The following ANGPTL1 variants were observed in gnomAD, a reference collection of about 807,000 sequenced individuals.
The protein encoded by ANGPTL1 is angiopoietin-related protein 1.
In ANGPTL1, 36 loss-of-function variants were observed where a neutral mutation model predicts 46.7. The ratio of observed to expected loss-of-function variants is 0.77; its 90% confidence interval spans 0.59 to 1.02. ANGPTL1 has a LOEUF of 1.02. Among genes scored for constraint, ANGPTL1 ranks in the 50% least tolerant of loss-of-function variants. ANGPTL1 has a pLI of 0.00. For synonymous variants in ANGPTL1, 221 were observed against 204.3 expected, an observed-to-expected ratio of 1.08 and a Z score of -0.69; for missense variants, 571 against 594.7, an observed-to-expected ratio of 0.96 and a Z score of 0.41.
rs144409889 is a variant in ANGPTL1, at chr1:178,853,924, A to G, written c.824-137T>C. 145 of 525,018 alleles carry G rather than the reference A, an allele frequency of 2.8e-4. 1 individual carries two copies. Among genetic ancestry groups the G allele is most frequent in the African/African-American group, 2.5e-3 (125 of 50,512 alleles). 32.5% of individuals were successfully genotyped at this position (525,018 alleles called of 1,614,324 possible). The stretch of plus-strand genomic sequence containing the variant: ...TATCATATATACAATATTATAAAAT[A>G]TAACTAAATAAAAGGGTGACTCCAG... On this transcript the variant is annotated intron_variant, in intron 3 of 5. Coordinates refer to ENST00000234816, the MANE Select transcript of ANGPTL1 (RefSeq NM_004673.4).
Position 178,865,719 on chromosome 1 carries a change from G to T in ANGPTL1, c.58C>A (p.His20Asn), listed in dbSNP as rs1487384053. The change falls in exon 3 of 6, where the codon CAT becomes AAT. Residue 20 changes from histidine to asparagine, a missense_variant. Physicochemically the swap from His to Asn is moderately conservative, Grantham distance 68 (BLOSUM62 1). Coordinates refer to ENST00000234816, the MANE Select transcript of ANGPTL1 (RefSeq NM_004673.4). Reference sequence around the variant, plus strand: ...ATTTTGAATTGTCCACCTCTGCAATGTCCAGTGTCCACTAGTAGGAAGAAT... The same window carrying T: ...ATTTTGAATTGTCCACCTCTGCAATTTCCAGTGTCCACTAGTAGGAAGAAT... ...VLFFLLVDTG[H>N]CRGGQFKIKK... 1.2e-6 allele frequency: 2 copies of T among 1,613,336 alleles called. No individual in the cohort carries two copies. The highest frequency in any genetic ancestry group is 1.7e-6 in the Non-Finnish European group (2 of 1,179,892).
chr1:178,856,202 G>GAGATATATATATATATATAT (rs1428022812), intron 3 of ANGPTL1, among the ~76,000 whole-genome samples: 7 of 83,904 alleles, frequency 8.3e-5, no homozygotes, highest in African/African-American at 3.8e-4. Context: ...GAGAGAGAGA[G>GAGATATATATATATATATAT]ATATATATAT....
In ANGPTL1 at chr1:178,852,771, T is replaced by A; in HGVS notation, c.1200A>T (p.Gly400=). 1 of 1,613,962 alleles carries A rather than the reference T, an allele frequency of 6.2e-7. No homozygotes were observed. The highest frequency in any genetic ancestry group is 8.5e-7 in the Non-Finnish European group (1 of 1,179,882). Residue 400 remains glycine, a synonymous_variant, in exon 5 of 6, where the codon GGA becomes GGT. Coordinates refer to ENST00000234816, the MANE Select transcript of ANGPTL1 (RefSeq NM_004673.4). ...AATCCCCTGCATTTCCCTGGTAAGT[T>A]CCCAGGCGCAGTCTATAGAATTCAC... ...PESEFYRLRL[G]TYQGNAGDSM... is the part of the protein sequence containing the mutation.
At position 178,851,056 on chromosome 1, in the gene ANGPTL1, C is replaced by A; in HGVS notation, c.*73G>T. The A allele has an allele frequency of 1.4e-6, 2 of 1,397,376 alleles. No individual in the cohort carries two copies. Among genetic ancestry groups the A allele is most frequent in the South Asian group, 1.5e-5 (1 of 65,710 alleles). 86.6% of individuals were successfully genotyped at this position (1,397,376 alleles called of 1,614,324 possible). A position where few individuals can be genotyped will look rare whatever the true frequency, so the allele number is the denominator to read the frequency against. ...GAAATAAATTGTGCCAAGTAATATA[C>A]ATGTAACATTTACATTTTTAAGAGC... On this transcript the variant is annotated 3_prime_UTR_variant, in exon 6 of 6. Coordinates refer to ENST00000234816, the MANE Select transcript of ANGPTL1 (RefSeq NM_004673.4).
Position 178,853,590 on chromosome 1 carries a change from T to G in ANGPTL1, c.1017+4A>C, listed in dbSNP as rs1365882005. ...CTTCCCTTAGGTCTGCATCACTGAT[T>G]TACCTTATAATTTTCCCAATTTCTG... On this transcript the variant is annotated splice_donor_region_variant and intron_variant, in intron 4 of 5. Transcript: ENST00000234816. The G allele has an allele frequency of 1.9e-6, 3 of 1,591,222 alleles. No individual in the cohort carries two copies. Among genetic ancestry groups the G allele is most frequent in the South Asian group, 1.2e-5 (1 of 86,870 alleles).
chr1:178,853,635 C>G lies in ANGPTL1; in HGVS notation c.976G>C (p.Asp326His), dbSNP rs2102297995. 3.1e-6 allele frequency: 5 copies of G among 1,607,942 alleles called. No individual in the cohort carries two copies. The highest frequency in any genetic ancestry group is 4.2e-6 in the Non-Finnish European group (5 of 1,177,500). The change falls in exon 4 of 6, where the codon GAC becomes CAC. Residue 326 changes from aspartate to histidine, a missense_variant. Transcript: ENST00000234816. Reference sequence around the variant, plus strand: ...TTTCTGAAGAAGTTGACAGAGCCGTCTGTTCTTTTCTGAATAACAGTCCAA... The same window carrying G: ...TTTCTGAAGAAGTTGACAGAGCCGTGTGTTCTTTTCTGAATAACAGTCCAA... Reference protein sequence around the residue: ...GGWTVIQKRTDGSVNFFRNWE... With the variant: ...GGWTVIQKRTHGSVNFFRNWE...
intron 5 of ANGPTL1, among the ~76,000 whole-genome samples, chr1:178,852,414 G>A (rs932157817): frequency 6.6e-6 from 1 of 152,112 alleles, no homozygotes; most frequent in Non-Finnish European, 1.5e-5. Context: ...TGAATTGTAG[G>A]CACTTGCATT....
chr1:178,865,028 A>C lies in ANGPTL1; in HGVS notation c.749T>G (p.Met250Arg). Residue 250 changes from methionine to arginine, a missense_variant, in exon 3 of 6, where the codon ATG becomes AGG. Transcript: ENST00000234816. ...AGAAGTTGCCAGATCAGGTGGTGGC[A>C]TTAAATCTCTGGGATAACCTGGATC... Reference protein sequence around the residue: ...QRDPGYPRDLMPPPDLATSPT... With the variant: ...QRDPGYPRDLRPPPDLATSPT... The C allele has an allele frequency of 6.7e-7, 1 of 1,491,804 alleles. No individual in the cohort carries two copies. The highest frequency in any genetic ancestry group is 8.9e-7 in the Non-Finnish European group (1 of 1,121,296). The allele number at this position is 1,491,804 out of a possible 1,614,324, so 92.4% of individuals were successfully genotyped here.
chr1:178,852,193 A>T (rs544625733), intron 5 of ANGPTL1, among the ~76,000 whole-genome samples: 11 of 152,136 alleles, frequency 7.2e-5, no homozygotes, highest in Non-Finnish European at 1.5e-4. Flanking sequence ...GCGAACCCAT[A>T]TAAAATAGCT....
At chr1:178,857,482 AT>A (rs1657668412) in intron 3 of ANGPTL1, among the ~76,000 whole-genome samples, 1 of 152,196 alleles carries the variant, frequency 6.6e-6, no homozygotes, top group Admixed American at 6.5e-5. Flanking sequence ...CCACTATAAT[AT>A]GACAAGTACT....
Position 178,865,740 on chromosome 1 carries a change from A to G in ANGPTL1, c.37T>C (p.Phe13Leu). The G allele has an allele frequency of 6.2e-7, 1 of 1,612,314 alleles. No homozygotes were observed. Among genetic ancestry groups the G allele is most frequent in the Non-Finnish European group, 8.5e-7 (1 of 1,179,626 alleles). ...TFTWTLGVLFFLLVDTGHCRG... is the reference protein window; with the variant it reads ...TFTWTLGVLFLLLVDTGHCRG... Reference sequence around the variant, plus strand: ...CAATGTCCAGTGTCCACTAGTAGGAAGAATAGCACACCTAGGGTCCAGGTA... The same window carrying G: ...CAATGTCCAGTGTCCACTAGTAGGAGGAATAGCACACCTAGGGTCCAGGTA... The change falls in exon 3 of 6, where the codon TTC becomes CTC. Residue 13 changes from phenylalanine to leucine, a missense_variant. Phe to Leu is a conservative substitution (Grantham distance 22). Transcript: ENST00000234816.
chr1:178,864,583 A>G (rs1658254204), intron 3 of ANGPTL1, among the ~76,000 whole-genome samples: 1 of 152,162 alleles, frequency 6.6e-6, no homozygotes, highest in Admixed American at 6.5e-5. Context: ...GGAAGTAAAT[A>G]AAAGAATTGT....
At chr1:178,859,128 T>G (rs1210623513) in intron 3 of ANGPTL1, among the ~76,000 whole-genome samples, 1 of 129,294 alleles carries the variant, frequency 7.7e-6, no homozygotes, top group Non-Finnish European at 1.6e-5. Context: ...TAAACTGTAT[T>G]TAGCAACCCA....
intron 3 of ANGPTL1, among the ~76,000 whole-genome samples, chr1:178,864,620 A>G (rs766080745): frequency 6.6e-6 from 1 of 152,162 alleles, no homozygotes; most frequent in Non-Finnish European, 1.5e-5. Flanking sequence ...CCTAGCTAGA[A>G]GCTGATAGGA....
At chr1:178,867,866 T>C (rs1307792350) in intron 2 of ANGPTL1, among the ~76,000 whole-genome samples, 2 of 152,100 alleles carry the variant, frequency 1.3e-5, no homozygotes, top group African/African-American at 4.8e-5. Context: ...TATGCTGTCG[T>C]CATGAAGACT....
At chr1:178,864,027 A>G (rs1252117673) in intron 3 of ANGPTL1, among the ~76,000 whole-genome samples, 2 of 152,138 alleles carry the variant, frequency 1.3e-5, no homozygotes, top group Admixed American at 1.3e-4. Flanking sequence ...TTTCCCTTCC[A>G]CTCTAAGGAA....
At chr1:178,859,436 G>A (rs1299459475) in intron 3 of ANGPTL1, among the ~76,000 whole-genome samples, 2 of 125,354 alleles carry the variant, frequency 1.6e-5, no homozygotes, top group African/African-American at 3.1e-5. Context: ...ACGGAGTCTC[G>A]CTCTGTCGCC....
At chr1:178,863,202 G>A (rs1658152558) in intron 3 of ANGPTL1, among the ~76,000 whole-genome samples, 1 of 152,116 alleles carries the variant, frequency 6.6e-6, no homozygotes, top group Non-Finnish European at 1.5e-5. Flanking sequence ...GCACACAAGA[G>A]ACCAAAAAGG....
At chr1:178,857,470 T>G (rs1188802604) in intron 3 of ANGPTL1, among the ~76,000 whole-genome samples, 1 of 152,114 alleles carries the variant, frequency 6.6e-6, no homozygotes, top group East Asian at 1.9e-4. Flanking sequence ...AAAGAGAGAA[T>G]TCCACTATAA....
Sources: gnomAD v4.1 joint callset for allele counts (sites outside exome capture counted in the v4.1 genomes callset) on GRCh38, gnomAD v4.1.1 for gene constraint, MANE v1.5 for transcripts, NCBI Gene and HGNC (gene_info 2026-07-23, HGNC 2026-07-21) for gene names.